The following HDAC9 variants were observed in gnomAD, a reference collection of about 807,000 sequenced individuals.
HDAC9 encodes the protein histone deacetylase 9, also known as MEF-2 interacting transcription repressor (MITR) protein.
A neutral mutation model predicts 139.4 loss-of-function variants in HDAC9; 41 were observed. The observed-to-expected ratio is 0.29, with a 90% CI of 0.23 to 0.38. The LOEUF is 0.38. HDAC9 is among the 10% of genes least tolerant of loss of function. The probability of loss-of-function intolerance (pLI) is 1.00; values close to 1 mark genes in which losing one functional copy is unlikely to be tolerated. For synonymous variants in HDAC9, 517 were observed against 476.2 expected (o/e 1.09, Z -1.12); for missense variants, 1,147 against 1,297.0 (o/e 0.88, Z 1.78).
intron 3 of HDAC9, among the ~76,000 whole-genome samples, chr7:18,589,118 C>T (rs1830249358): frequency 6.6e-6 from 1 of 151,990 alleles, no homozygotes; most frequent in African/African-American, 2.4e-5. Context: ...AATGTCAGAA[C>T]CTAAGGAGAA....
intron 1 of HDAC9, among the ~76,000 whole-genome samples, chr7:18,154,485 A>G (rs770432404): frequency 6.6e-6 from 1 of 152,200 alleles, no homozygotes; most frequent in Non-Finnish European, 1.5e-5. Context: ...TGTAATGATA[A>G]TAACAGCCAA....
chr7:18,302,886 T>C (rs1352818623), intron 1 of HDAC9, among the ~76,000 whole-genome samples: 1 of 152,178 alleles, frequency 6.6e-6, no homozygotes, highest in Non-Finnish European at 1.5e-5. Flanking sequence ...TTTTCCAGAG[T>C]TCTTTAACTG....
At chr7:18,872,589 G>T (rs1799011000) in intron 21 of HDAC9, among the ~76,000 whole-genome samples, 1 of 152,118 alleles carries the variant, frequency 6.6e-6, no homozygotes, top group African/African-American at 2.4e-5. Context: ...TCTCCAAGAA[G>T]AGAGAGAAAA....
At chr7:18,685,115 A>G (rs1335479574) in intron 12 of HDAC9, among the ~76,000 whole-genome samples, 1 of 152,044 alleles carries the variant, frequency 6.6e-6, no homozygotes, top group African/African-American at 2.4e-5. Flanking sequence ...GTGGCTTACC[A>G]CAACCTCTAG....
chr7:18,550,963 T>G (rs1191573172), intron 2 of HDAC9, among the ~76,000 whole-genome samples: 1 of 152,198 alleles, frequency 6.6e-6, no homozygotes, highest in Non-Finnish European at 1.5e-5. Context: ...AGAAAGACAT[T>G]GGCTTATTCT....
At chr7:18,458,747 A>G in intron 1 of HDAC9, 1 of 767,558 alleles carries the variant, frequency 1.3e-6, no homozygotes. Context: ...TCAGAGTAGT[A>G]ACAAAGAGAG....
At chr7:18,174,071 CT>C (rs991531578) in intron 2 of HDAC9, among the ~76,000 whole-genome samples, 61 of 152,312 alleles carry the variant, frequency 4.0e-4, no homozygotes, top group African/African-American at 1.4e-3. Context: ...CTCCCCATCA[CT>C]TTCAGGTACA....
chr7:18,253,899 T>C (rs1795079354), intron 2 of HDAC9, among the ~76,000 whole-genome samples: 1 of 152,202 alleles, frequency 6.6e-6, no homozygotes, highest in South Asian at 2.1e-4. Context: ...TCTGACCACC[T>C]TTCCTTAGCC....
At chr7:18,767,981 G>C (rs1789974341) in intron 16 of HDAC9, among the ~76,000 whole-genome samples, 1 of 152,140 alleles carries the variant, frequency 6.6e-6, no homozygotes, top group South Asian at 2.1e-4. Context: ...AACTAAATTT[G>C]ATGCAAAGAA....
At position 18,480,980 on chromosome 7, in the gene HDAC9, C is replaced by G. The variant is rs570976759; in HGVS notation, c.-41-15282C>G. ...GTAGGCTCATGGCAGGGGACATTTC[C>G]TCCAAGCCCACCTAGGCTGCAGCCC... On this transcript the variant is annotated intron_variant, in intron 1 of 3. Coordinates refer to the HDAC9 transcript ENST00000413509. 5.9e-5 allele frequency among the ~76,000 whole-genome samples: 9 copies of G among 152,256 alleles called. No homozygotes were observed. In the East Asian group the frequency reaches 1.7e-3, roughly 29 times the overall value.
intron 24 of HDAC9, among the ~76,000 whole-genome samples, chr7:18,960,769 C>A (rs748598399): frequency 9.2e-5 from 14 of 151,962 alleles, no homozygotes; most frequent in Non-Finnish European, 1.8e-4. Flanking sequence ...CCATCCTCTC[C>A]CATCATTATA....
chr7:18,303,252 C>G (rs1045792160), intron 1 of HDAC9, among the ~76,000 whole-genome samples: 3 of 151,958 alleles, frequency 2.0e-5, no homozygotes, highest in African/African-American at 4.8e-5. Flanking sequence ...GAGTCTTGCT[C>G]TGTCGCCCAG....
intron 12 of HDAC9, among the ~76,000 whole-genome samples, chr7:18,687,206 C>T (rs58703332): frequency 0.026 from 3,913 of 151,728 alleles, 189 homozygotes; most frequent in African/African-American, 0.089. Flanking sequence ...TTTCCTAGGG[C>T]AACACATTTT....
chr7:18,542,634 C>T (rs566538458), intron 2 of HDAC9, among the ~76,000 whole-genome samples: 2 of 152,200 alleles, frequency 1.3e-5, no homozygotes, highest in South Asian at 2.1e-4. Flanking sequence ...CACAAAATAA[C>T]ATCATGATAT....
At chr7:18,590,861 A>G (rs1330331690) in intron 4 of HDAC9, among the ~76,000 whole-genome samples, 2 of 152,118 alleles carry the variant, frequency 1.3e-5, no homozygotes, top group African/African-American at 4.8e-5. Context: ...CTCTCTAAGT[A>G]AAGCCTTGCC....
intron 22 of HDAC9, among the ~76,000 whole-genome samples, chr7:18,893,812 C>G (rs1039134211): frequency 6.6e-6 from 1 of 152,072 alleles, no homozygotes; most frequent in South Asian, 2.1e-4. Flanking sequence ...CAGAAATGGC[C>G]TCACTTATAA....
rs58248823 is a variant in HDAC9, at chr7:18,206,930, C to CT, written c.25+44597dup. ...CAAAAAATGATTCGAGATATCTTTT[C>CT]TTTTTTTTTTTTTTTTGTCTTTTGA... On this transcript the variant is annotated intron_variant, in intron 2 of 12. Transcript: ENST00000417496. Among the ~76,000 whole-genome samples, 131 of 124,506 alleles carry CT rather than the reference C, an allele frequency of 1.1e-3. 4 individuals are homozygous for CT. The highest frequency in any genetic ancestry group is 2.0e-3 in the African/African-American group (68 of 33,258). 81.7% of individuals were successfully genotyped at this position (124,506 alleles called of 152,430 possible).
At chr7:18,668,232 C>T (rs1795373104) in intron 12 of HDAC9, 3 of 929,384 alleles carry the variant, frequency 3.2e-6, no homozygotes, top group Non-Finnish European at 3.8e-6. Flanking sequence ...AATGAAAGTC[C>T]TTCTGATAAT....
intron 2 of HDAC9, among the ~76,000 whole-genome samples, chr7:18,570,232 G>A (rs1210052027): frequency 6.6e-6 from 1 of 152,076 alleles, no homozygotes; most frequent in Non-Finnish European, 1.5e-5. Context: ...ATAGAATTTT[G>A]TATAGCTAAA....
Sources: allele counts gnomAD v4.1 joint callset (sites outside exome capture counted in the v4.1 genomes callset), GRCh38; gene constraint gnomAD v4.1.1; transcripts MANE v1.5; gene names NCBI Gene and HGNC (gene_info 2026-07-23, HGNC 2026-07-21).